THADA: variants seen among roughly 807,000 people sequenced by gnomAD.
THADA encodes the protein tRNA (32-2'-O)-methyltransferase regulator THADA.
THADA carries 213 observed loss-of-function variants against 219.8 expected under a neutral mutation model. The observed-to-expected ratio is 0.97, with a 90% CI of 0.87 to 1.09. THADA has a LOEUF of 1.09. THADA is among the 50% of genes least tolerant of loss of function. The pLI is 0.00. For synonymous variants in THADA, 1,018 were observed against 828.9 expected (o/e 1.23, Z -3.92); for missense variants, 2,956 against 2,311.3 (o/e 1.28, Z -5.72).
chr2:43,286,874 T>G (rs368408555), intron 35 of THADA, 34 bp downstream of exon 35: 2 of 1,589,532 alleles, frequency 1.3e-6, no homozygotes, highest in Non-Finnish European at 1.7e-6. Context: ...TTAAGTGAGT[T>G]TGGTACAACA....
At chr2:43,468,216 T>G in intron 26 of THADA, among the ~76,000 whole-genome samples, 1 of 152,174 alleles carries the variant, frequency 6.6e-6, no homozygotes, top group Non-Finnish European at 1.5e-5. Context: ...GAATGCTTGG[T>G]GTAAATTAGG....
chr2:43,429,198 C>A (rs1053847302), intron 27 of THADA, among the ~76,000 whole-genome samples: 2 of 152,000 alleles, frequency 1.3e-5, no homozygotes, highest in Non-Finnish European at 2.9e-5. Flanking sequence ...ACCTCTGCCT[C>A]CTGGGTTCAA....
chr2:43,335,054 C>G (rs1470544566), intron 30 of THADA, among the ~76,000 whole-genome samples: 1 of 152,158 alleles, frequency 6.6e-6, no homozygotes. Context: ...GATCACAGAG[C>G]CTGGCACTCT....
At chr2:43,235,627 G>T (rs1667950724) in intron 36 of THADA, among the ~76,000 whole-genome samples, 1 of 152,104 alleles carries the variant, frequency 6.6e-6, no homozygotes, top group South Asian at 2.1e-4. Context: ...TTAAGGCAAG[G>T]ACTGAAAGCC....
intron 29 of THADA, among the ~76,000 whole-genome samples, chr2:43,366,623 C>T (rs983003260): frequency 1.2e-4 from 19 of 152,126 alleles, no homozygotes; most frequent in African/African-American, 4.1e-4. Flanking sequence ...GTGGAGGAAA[C>T]CTAGGCCAAC....
chr2:43,404,266 C>T (rs1675251047), intron 28 of THADA, among the ~76,000 whole-genome samples: 1 of 152,074 alleles, frequency 6.6e-6, no homozygotes, highest in African/African-American at 2.4e-5. Context: ...GATCATAGCT[C>T]ACTGCAGCCT....
intron 26 of THADA, among the ~76,000 whole-genome samples, chr2:43,466,957 C>T (rs986268492): frequency 8.8e-4 from 133 of 151,046 alleles, no homozygotes; most frequent in East Asian, 1.8e-3. Flanking sequence ...CCGAGGCGGG[C>T]GGATCACGAG....
intron 29 of THADA, among the ~76,000 whole-genome samples, chr2:43,366,596 T>G (rs1450826225): frequency 6.6e-6 from 1 of 152,204 alleles, no homozygotes; most frequent in Non-Finnish European, 1.5e-5. Flanking sequence ...AAAGTTTACA[T>G]ACAACATTTC....
intron 36 of THADA, among the ~76,000 whole-genome samples, chr2:43,250,183 A>C (rs1162815002): frequency 6.6e-6 from 1 of 152,252 alleles, no homozygotes; most frequent in African/African-American, 2.4e-5. Context: ...ATGGATAAAT[A>C]AAATGTGGTA....
At chr2:43,416,794 C>A (rs879666580) in intron 28 of THADA, among the ~76,000 whole-genome samples, 1 of 152,130 alleles carries the variant, frequency 6.6e-6, no homozygotes, top group Non-Finnish European at 1.5e-5. Flanking sequence ...ACTTCAGAGG[C>A]CTTGGAGTAC....
At chr2:43,556,809 A>G (rs557383457) in intron 16 of THADA, among the ~76,000 whole-genome samples, 11 of 152,140 alleles carry the variant, frequency 7.2e-5, no homozygotes, top group Admixed American at 5.2e-4. Flanking sequence ...TCATATCTGT[A>G]ACCCCATCAC....
At chr2:43,496,202 A>C (rs1179596477) in intron 25 of THADA, among the ~76,000 whole-genome samples, 1 of 152,170 alleles carries the variant, frequency 6.6e-6, no homozygotes, top group East Asian at 1.9e-4. Flanking sequence ...CAGACTTTTT[A>C]CTTTAAGCCA....
At chr2:43,428,902 C>A (rs1383469463) in intron 27 of THADA, among the ~76,000 whole-genome samples, 1 of 152,124 alleles carries the variant, frequency 6.6e-6, no homozygotes, top group Non-Finnish European at 1.5e-5. Flanking sequence ...TGAATAGTCA[C>A]TAAAGGCCAG....
chr2:43,346,435 G>A (rs190730700), intron 29 of THADA, among the ~76,000 whole-genome samples: 1 of 152,188 alleles, frequency 6.6e-6, no homozygotes, highest in East Asian at 1.9e-4. Flanking sequence ...AGGGCAATTT[G>A]TCCACCAGCT....
intron 21 of THADA, among the ~76,000 whole-genome samples, chr2:43,535,408 G>A (rs1337836667): frequency 6.6e-6 from 1 of 151,192 alleles, no homozygotes; most frequent in East Asian, 1.9e-4. Flanking sequence ...AGGCCAGGCG[G>A]TGGCTCACGC....
chr2:43,455,538 A>G (rs1024909034), intron 26 of THADA, among the ~76,000 whole-genome samples: 8 of 152,038 alleles, frequency 5.3e-5, no homozygotes, highest in Non-Finnish European at 1.2e-4. Context: ...ACACACACAC[A>G]CACAAACACA....
chr2:43,570,107 G>A (rs550935422), intron 14 of THADA, among the ~76,000 whole-genome samples: 1 of 152,272 alleles, frequency 6.6e-6, no homozygotes, highest in South Asian at 2.1e-4. Flanking sequence ...TTACCCTTCT[G>A]TTAAAAGTAC....
intron 29 of THADA, among the ~76,000 whole-genome samples, chr2:43,385,520 TG>T (rs1558675149): frequency 7.0e-6 from 1 of 142,496 alleles, no homozygotes; most frequent in East Asian, 2.1e-4. Context: ...GGCAGGAGAA[TG>T]GCGTGAACCC....
At chr2:43,412,354 C>T (rs890459174) in intron 28 of THADA, among the ~76,000 whole-genome samples, 15 of 152,090 alleles carry the variant, frequency 9.9e-5, no homozygotes, top group African/African-American at 3.6e-4. Flanking sequence ...AAATAAAGTG[C>T]TATGTGTGAA....
Sources: gnomAD v4.1 joint callset for allele counts (sites outside exome capture counted in the v4.1 genomes callset) on GRCh38, gnomAD v4.1.1 for gene constraint, MANE v1.5 for transcripts, NCBI Gene and HGNC (gene_info 2026-07-23, HGNC 2026-07-21) for gene names.